Variants in SIPA1L3 observed in about 807,000 individuals in gnomAD.
The protein encoded by SIPA1L3 is signal-induced proliferation-associated 1-like protein 3.
SIPA1L3 carries 59 observed loss-of-function variants against 150.1 expected under a neutral mutation model. The ratio of observed to expected loss-of-function variants is 0.39; its 90% CI spans 0.32 to 0.49. The LOEUF is 0.49. Among genes scored for constraint, SIPA1L3 ranks in the 20% least tolerant of loss-of-function variants. SIPA1L3 has a pLI of 0.86. For synonymous variants in SIPA1L3, 1,070 were observed against 1,077.6 expected (o/e 0.99, Z 0.14); for missense variants, 2,211 against 2,489.5 (o/e 0.89, Z 2.38).
intron 20 of SIPA1L3, among the ~76,000 whole-genome samples, chr19:38,203,127 A>C (rs1460133939): frequency 6.6e-6 from 1 of 151,830 alleles, no homozygotes; most frequent in Non-Finnish European, 1.5e-5. Context: ...TGCTTTTCAC[A>C]CTCTGGCTTC....
At chr19:37,923,113 G>A (rs569949229) in intron 1 of SIPA1L3, among the ~76,000 whole-genome samples, 1 of 151,642 alleles carries the variant, frequency 6.6e-6, no homozygotes, top group African/African-American at 2.4e-5. Flanking sequence ...CTCCAGCCTG[G>A]GCGACAGAGC....
chr19:37,907,841 A>G (rs1202942002), intron 1 of SIPA1L3: 2 of 152,228 alleles, frequency 1.3e-5, no homozygotes, highest in Non-Finnish European at 2.9e-5. Context: ...GCATGTAAAG[A>G]GGTGAGTCCT....
chr19:38,130,483 G>T lies in SIPA1L3; in HGVS notation c.2869-15G>T, dbSNP rs1460528792. The T allele has an allele frequency of 6.2e-7, 1 of 1,603,514 alleles. No individual in the cohort carries two copies. The highest frequency in any genetic ancestry group is 8.5e-7 in the Non-Finnish European group (1 of 1,174,402). ...CAAGCAGCTTCTGAGGCTCGATCCTGCCTGTGGCCTGCAGGTGATGACCAG... is the reference window on the plus strand; with the variant it reads ...CAAGCAGCTTCTGAGGCTCGATCCTTCCTGTGGCCTGCAGGTGATGACCAG... On this transcript the variant is annotated splice_polypyrimidine_tract_variant and intron_variant, in intron 9 of 21. Transcript: ENST00000222345.
chr19:38,067,710 C>T (rs967613032), intron 2 of SIPA1L3, among the ~76,000 whole-genome samples: 4 of 151,212 alleles, frequency 2.6e-5, no homozygotes, highest in South Asian at 2.1e-4. Context: ...TGCAGTGAGC[C>T]GAGATCATGC....
intron 1 of SIPA1L3, among the ~76,000 whole-genome samples, chr19:38,016,602 C>T (rs1195251156): frequency 6.6e-6 from 1 of 152,174 alleles, no homozygotes; most frequent in African/African-American, 2.4e-5. Flanking sequence ...AAGCAATTCT[C>T]CTGCCTCAGC....
intron 2 of SIPA1L3, among the ~76,000 whole-genome samples, chr19:38,045,910 C>A (rs1306064366): frequency 6.6e-6 from 1 of 152,054 alleles, no homozygotes; most frequent in Non-Finnish European, 1.5e-5. Flanking sequence ...CTTCCCACAG[C>A]CCCTGGGAGC....
intron 1 of SIPA1L3, among the ~76,000 whole-genome samples, chr19:37,966,054 C>T (rs2145582724): frequency 1.3e-5 from 2 of 151,958 alleles, no homozygotes; most frequent in Middle Eastern, 3.4e-3. Context: ...TCTGCTAGTA[C>T]CATTTGGTTA....
chr19:38,186,717 G>A (rs537538345), intron 16 of SIPA1L3, among the ~76,000 whole-genome samples: 32 of 151,326 alleles, frequency 2.1e-4, no homozygotes, highest in African/African-American at 7.3e-4. Flanking sequence ...CGAGTGTGGC[G>A]CGGTGGCTCA....
At chr19:38,104,437 C>A (rs1393337802) in intron 6 of SIPA1L3, among the ~76,000 whole-genome samples, 1 of 152,192 alleles carries the variant, frequency 6.6e-6, no homozygotes, top group Non-Finnish European at 1.5e-5. Flanking sequence ...ACATCCTGAG[C>A]CCTCCCTCTG....
At position 38,082,066 on chromosome 19, in the gene SIPA1L3, G is replaced by C. The variant is rs149198964; in HGVS notation, c.501G>C (p.Arg167=). The C allele has an allele frequency of 1.0e-3, 1,678 of 1,612,908 alleles. 2 individuals carry two copies. The highest frequency in any genetic ancestry group is 1.4e-3 in the Non-Finnish European group (1,597 of 1,179,940). Residue 167 remains arginine, a synonymous_variant, in exon 3 of 22, where the codon CGG becomes CGC. Transcript: ENST00000222345. The part of the protein sequence containing the change: ...RSPGRAFLPL[R]HRSSSEITLS... Reference sequence around the variant, plus strand: ...CCGGCAGGGCCTTCCTCCCCCTTCGGCACCGCAGCAGCAGCGAGATCACCC... The same window carrying C: ...CCGGCAGGGCCTTCCTCCCCCTTCGCCACCGCAGCAGCAGCGAGATCACCC...
chr19:38,130,609 G>C lies in SIPA1L3; in HGVS notation c.2980G>C (p.Gly994Arg). Residue 994 changes from glycine to arginine, a missense_variant, in exon 10 of 22, where the codon GGG becomes CGG. This residue lies in a region of SIPA1L3 where 625 missense variants were observed against 804.2 expected (regional missense o/e 0.78). Coordinates refer to ENST00000222345, the MANE Select transcript of SIPA1L3 (RefSeq NM_015073.3). ...DGTVAEVEDY[G>R]FAWQAGLRQG... ...CACGGTGGCCGAGGTTGAGGACTAT[G>C]GGTTCGCCTGGCAGGCCGGCCTCCG... 1 of 1,613,790 alleles carries C rather than the reference G, an allele frequency of 6.2e-7. No individual in the cohort carries two copies.
At chr19:37,974,942 C>T (rs529219045) in intron 1 of SIPA1L3, among the ~76,000 whole-genome samples, 117 of 152,308 alleles carry the variant, frequency 7.7e-4, no homozygotes, top group African/African-American at 2.7e-3. Context: ...CTTTGGGAGG[C>T]TGAGGCGGGC....
intron 13 of SIPA1L3, among the ~76,000 whole-genome samples, chr19:38,157,400 G>C (rs1600147300): frequency 6.6e-6 from 1 of 152,202 alleles, no homozygotes; most frequent in South Asian, 2.1e-4. Flanking sequence ...GGCACAGAAA[G>C]GTTGTCACTT....
At position 38,141,386 on chromosome 19, in the gene SIPA1L3, C is replaced by T; in HGVS notation, c.3346C>T (p.Gln1116Ter). The T allele has an allele frequency of 6.2e-7, 1 of 1,613,468 alleles. No individual in the cohort carries two copies. Among genetic ancestry groups the T allele is most frequent in the South Asian group, 1.1e-5 (1 of 91,090 alleles). Residue 1116 changes from glutamine (Q) to a stop codon, truncating the protein, a stop_gained, in exon 11 of 22, where the codon CAG becomes TAG. Transcript: ENST00000222345. LOFTEE classifies it high-confidence loss of function. Reference sequence around the variant, plus strand: ...CCAGTCCCTGAGCCGGCCCCTGAAGCAGACCCCCATAGTCCCCTTCCGGGA... The same window carrying T: ...CCAGTCCCTGAGCCGGCCCCTGAAGTAGACCCCCATAGTCCCCTTCCGGGA... ...HAQSLSRPLK[Q>*]TPIVPFRESQ...
At chr19:37,957,034 A>G (rs1599839691) in intron 1 of SIPA1L3, among the ~76,000 whole-genome samples, 2 of 152,108 alleles carry the variant, frequency 1.3e-5, no homozygotes, top group South Asian at 2.1e-4. Flanking sequence ...TCCCAGCTCC[A>G]TTTGTTGAAA....
intron 1 of SIPA1L3, among the ~76,000 whole-genome samples, chr19:37,996,840 G>A (rs1297003205): frequency 1.3e-5 from 2 of 152,098 alleles, no homozygotes; most frequent in Non-Finnish European, 1.5e-5. Context: ...GGGATTACAG[G>A]CACCCACTAC....
At position 38,082,829 on chromosome 19, in the gene SIPA1L3, G is replaced by A. The variant is rs1970034603; in HGVS notation, c.1264G>A (p.Asp422Asn). The A allele has an allele frequency of 1.2e-6, 2 of 1,613,672 alleles. No homozygotes were observed. Among genetic ancestry groups the A allele is most frequent in the Non-Finnish European group, 1.7e-6 (2 of 1,179,932 alleles). The change falls in exon 3 of 22, where the codon GAC becomes AAC. Residue 422 changes from aspartate to asparagine, a missense_variant. Asp to Asn is a conservative substitution (Grantham distance 23, BLOSUM62 1). Coordinates refer to ENST00000222345, the MANE Select transcript of SIPA1L3 (RefSeq NM_015073.3). ...EQDLGDDNSN[D>N]LLLSCPHFRN... ...GGACCTCGGCGATGACAACAGCAAC[G>A]ACCTGCTGCTCAGCTGCCCGCACTT... is the stretch of plus-strand genomic sequence containing the variant.
At chr19:38,058,772 C>A (rs1199868645) in intron 2 of SIPA1L3, among the ~76,000 whole-genome samples, 2 of 151,982 alleles carry the variant, frequency 1.3e-5, no homozygotes, top group Admixed American at 6.6e-5. Context: ...CGCCTGTAAT[C>A]CCAGCACTTT....
At chr19:38,150,661 C>G (rs958346442) in intron 12 of SIPA1L3, among the ~76,000 whole-genome samples, 1 of 151,900 alleles carries the variant, frequency 6.6e-6, no homozygotes, top group African/African-American at 2.4e-5. Flanking sequence ...GCCTCAGCCT[C>G]CCAAGTAGCT....
Sources: allele counts gnomAD v4.1 joint callset (sites outside exome capture counted in the v4.1 genomes callset), GRCh38; gene constraint gnomAD v4.1.1; regional missense constraint gnomAD v4.1.1; transcripts MANE v1.5; gene names NCBI Gene and HGNC (gene_info 2026-07-23, HGNC 2026-07-21).